Variants in LONP2 observed in about 807,000 individuals in gnomAD.
LONP2 encodes lon protease homolog 2, peroxisomal.
A neutral mutation model predicts 85.6 loss-of-function variants in LONP2; 60 were observed. The observed-to-expected ratio is 0.70, with a 90% CI of 0.57 to 0.87. The LOEUF (loss-of-function observed/expected upper bound fraction) is 0.87. LONP2 is among the 40% of genes least tolerant of loss of function. The pLI, the probability that LONP2 is intolerant of heterozygous loss-of-function variation, is 0.00. For missense variants in LONP2, 860 were observed against 1,063.5 expected (o/e 0.81, Z 2.66); for synonymous variants, 395 against 389.7 (o/e 1.01, Z -0.16).
intron 11 of LONP2, among the ~76,000 whole-genome samples, chr16:48,313,820 C>A (rs186742254): frequency 6.6e-5 from 10 of 152,202 alleles, no homozygotes; most frequent in Non-Finnish European, 1.2e-4. Flanking sequence ...TGGCTATATA[C>A]CCAGTAGTGG....
At chr16:48,265,180 G>C (rs1596922080) in intron 6 of LONP2, among the ~76,000 whole-genome samples, 1 of 152,048 alleles carries the variant, frequency 6.6e-6, no homozygotes, top group Non-Finnish European at 1.5e-5. Flanking sequence ...TTCTCATTTT[G>C]CTGAACTTTT....
intron 8 of LONP2, among the ~76,000 whole-genome samples, chr16:48,283,279 C>T (rs1342399646): frequency 6.6e-6 from 1 of 152,222 alleles, no homozygotes; most frequent in Admixed American, 6.5e-5. Context: ...ATCTAGCTAA[C>T]ATCATTGATA....
At position 48,313,008 on chromosome 16, in the gene LONP2, C is replaced by T. The variant is rs543553714; in HGVS notation, c.1795+9703C>T. ...GTACTTAGGGCCTGGGATAAAATTT[C>T]CAGAGGCTGCCTCATACATTGTTTC... On this transcript the variant is annotated intron_variant, in intron 11 of 14. Coordinates refer to ENST00000285737, the MANE Select transcript of LONP2 (RefSeq NM_031490.5). Among the ~76,000 whole-genome samples, 3 of 152,248 alleles carry T rather than the reference C, an allele frequency of 2.0e-5. No homozygotes were observed. The East Asian group carries it at 5.8e-4, about 29-fold the overall frequency.
At position 48,356,718 on chromosome 16, in the gene LONP2, G is replaced by A; in HGVS notation, c.*4916G>A. ...AGACAACAGGCAAATATGGTGAGTG[G>A]TCATTGAGATGTTTTAAAAGTTACA... On this transcript the variant is annotated 3_prime_UTR_variant, in exon 15 of 15. Transcript: ENST00000285737. The A allele has an allele frequency of 2.9e-6, 1 of 350,530 alleles. No homozygotes were observed. The highest frequency in any genetic ancestry group is 2.2e-5 in the South Asian group (1 of 45,338). The allele number at this position is 350,530 out of a possible 1,614,324, so 21.7% of individuals were successfully genotyped here.
rs754911606 is a variant in LONP2, at chr16:48,351,724, G to A, written c.2481G>A (p.Leu827=). ...TAAGTTTTGTCACAGCAAGCTGCCT[G>A]GATGAGGTTCTTAATGCAGCTTTTG... ...QDLSFVTASC[L]DEVLNAAFDG... The change falls in exon 15 of 15, where the codon CTG becomes CTA. Residue 827 remains leucine (L), a synonymous_variant. Transcript: ENST00000285737. The A allele has an allele frequency of 6.2e-7, 1 of 1,614,160 alleles. No homozygotes were observed. The highest frequency in any genetic ancestry group is 8.5e-7 in the Non-Finnish European group (1 of 1,180,024).
chr16:48,313,223 G>C (rs1036028428), intron 11 of LONP2, among the ~76,000 whole-genome samples: 3 of 152,094 alleles, frequency 2.0e-5, no homozygotes, highest in Non-Finnish European at 4.4e-5. Context: ...TGATTCCGTT[G>C]AATCTGTAAA....
chr16:48,298,629 GTGTGTGTGTGTGTGTGTGTGT>G (rs1567329370), intron 9 of LONP2, among the ~76,000 whole-genome samples: 10 of 111,386 alleles, frequency 9.0e-5, no homozygotes, highest in Non-Finnish European at 1.3e-4. Context: ...TAATTGAGGT[GTGTGTGTGTGTGTGTGTGTGT>G]GTGTGTGTGT....
At chr16:48,306,940 G>A (rs1417334577) in intron 11 of LONP2, among the ~76,000 whole-genome samples, 1 of 151,882 alleles carries the variant, frequency 6.6e-6, no homozygotes, top group African/African-American at 2.4e-5. Flanking sequence ...ACGAGAGACA[G>A]AAAAAAAATA....
chr16:48,343,090 C>A (rs2151030259), intron 12 of LONP2, among the ~76,000 whole-genome samples: 1 of 152,226 alleles, frequency 6.6e-6, no homozygotes, highest in East Asian at 1.9e-4. Flanking sequence ...GAGCTCCCCA[C>A]ACTGGAGTAT....
chr16:48,312,039 CAA>C, intron 11 of LONP2, among the ~76,000 whole-genome samples: 1 of 152,042 alleles, frequency 6.6e-6, no homozygotes, highest in African/African-American at 2.4e-5. Flanking sequence ...CTCCTGGGTT[CAA>C]GTGATTCTTG....
At chr16:48,320,647 A>G (rs1973243936) in intron 11 of LONP2, among the ~76,000 whole-genome samples, 1 of 152,212 alleles carries the variant, frequency 6.6e-6, no homozygotes, top group African/African-American at 2.4e-5. Flanking sequence ...TCTAACGTTG[A>G]GGTGAAAATA....
At position 48,334,635 on chromosome 16, in the gene LONP2, A is replaced by G. The variant is rs74017917; in HGVS notation, c.1938+277A>G. The G allele has an allele frequency of 4.3e-3, 2,654 of 621,234 alleles. 59 individuals carry two copies. The highest frequency in any genetic ancestry group is 0.042 in the African/African-American group (2,336 of 55,586). The allele number at this position is 621,234 out of a possible 1,614,324, so 38.5% of individuals were successfully genotyped here. ...AGGGAAGGCTCCGTAATGCCACCTC[A>G]CAGGCACAGCATCAGGCGCAGGGTG... On this transcript the variant is annotated intron_variant, in intron 12 of 14. Coordinates refer to ENST00000285737, the MANE Select transcript of LONP2 (RefSeq NM_031490.5).
intron 3 of LONP2, among the ~76,000 whole-genome samples, chr16:48,257,890 G>A (rs1453572633): frequency 6.6e-6 from 1 of 152,224 alleles, no homozygotes; most frequent in Admixed American, 6.5e-5. Context: ...CAAATCACTA[G>A]TGAGAGTTGG....
At chr16:48,251,989 A>T in intron 1 of LONP2, 142 bp from the exon 2 acceptor site, 1 of 555,692 alleles carries the variant, frequency 1.8e-6, no homozygotes, top group Non-Finnish European at 2.9e-6. Context: ...ACTGGATGCT[A>T]AGTTAAATAG....
At chr16:48,306,282 T>G (rs1972909724) in intron 11 of LONP2, among the ~76,000 whole-genome samples, 1 of 152,262 alleles carries the variant, frequency 6.6e-6, no homozygotes, top group Non-Finnish European at 1.5e-5. Flanking sequence ...AGGAAACTTT[T>G]GTATAGTTAT....
chr16:48,294,980 A>G (rs1268870869), intron 8 of LONP2, among the ~76,000 whole-genome samples: 3 of 152,178 alleles, frequency 2.0e-5, no homozygotes, highest in African/African-American at 2.4e-5. Context: ...TGCCTTATGA[A>G]AGTTCTGCAC....
chr16:48,274,838 T>G (rs1972173576), intron 7 of LONP2, among the ~76,000 whole-genome samples: 1 of 152,258 alleles, frequency 6.6e-6, no homozygotes, highest in Non-Finnish European at 1.5e-5. Context: ...TCATTTTCAC[T>G]TAACATTGTA....
chr16:48,278,577 T>C (rs74016387), intron 8 of LONP2, among the ~76,000 whole-genome samples: 2,087 of 152,336 alleles, frequency 0.014, 48 homozygotes, highest in African/African-American at 0.047. Context: ...AATTTTTCTA[T>C]AGAATTGTAC....
At chr16:48,299,453 A>C (rs944200905) in intron 9 of LONP2, among the ~76,000 whole-genome samples, 1 of 151,830 alleles carries the variant, frequency 6.6e-6, no homozygotes, top group Non-Finnish European at 1.5e-5. Context: ...GTGGTTGTGC[A>C]TGCCTGTAAT....
Sources: allele counts gnomAD v4.1 joint callset (sites outside exome capture counted in the v4.1 genomes callset), GRCh38; gene constraint gnomAD v4.1.1; transcripts MANE v1.5; gene names NCBI Gene and HGNC (gene_info 2026-07-23, HGNC 2026-07-21).